CTBP2: variants seen among roughly 807,000 people sequenced by gnomAD.
The protein encoded by CTBP2 is C-terminal binding protein 2.
CTBP2 carries 30 observed loss-of-function variants against 80.3 expected under a neutral mutation model. The observed-to-expected ratio is 0.37, with a 90% confidence interval of 0.28 to 0.51. The LOEUF (loss-of-function observed/expected upper bound fraction) is 0.51, where lower values mean the gene tolerates loss of function less well. Among genes scored for constraint, CTBP2 ranks in the 20% least tolerant of loss-of-function variants. The pLI is 0.93. For missense variants in CTBP2, 1,212 were observed against 1,375.3 expected (o/e 0.88, Z 1.88); for synonymous variants, 594 against 587.4 (o/e 1.01, Z -0.16).
At chr10:125,102,430 A>G (rs1389198534) in intron 2 of CTBP2, among the ~76,000 whole-genome samples, 1 of 152,236 alleles carries the variant, frequency 6.6e-6, no homozygotes, top group African/African-American at 2.4e-5. Flanking sequence ...ACTCTGCATC[A>G]ATCTGCTCTG....
At chr10:125,103,031 G>A (rs901223020) in intron 2 of CTBP2, among the ~76,000 whole-genome samples, 7 of 152,226 alleles carry the variant, frequency 4.6e-5, no homozygotes, top group Non-Finnish European at 2.9e-5. Flanking sequence ...CGCCCTACTT[G>A]CACAAAGGAG....
intron 4 of CTBP2, 70 bp from the exon 7 acceptor site, chr10:124,994,753 T>TCA: frequency 6.7e-7 from 1 of 1,495,186 alleles, no homozygotes; most frequent in Admixed American, 1.7e-5. Flanking sequence ...CCTCCATTGC[T>TCA]TCTGAGCTGA....
chr10:125,148,245 G>C (rs1859162702), intron 1 of CTBP2, among the ~76,000 whole-genome samples: 1 of 152,178 alleles, frequency 6.6e-6, no homozygotes, highest in Non-Finnish European at 1.5e-5. Context: ...ACAGCAGTTA[G>C]CTCAGTGCTT....
intron 3 of CTBP2, among the ~76,000 whole-genome samples, chr10:125,036,645 G>A (rs1461004034): frequency 6.6e-6 from 1 of 150,378 alleles, no homozygotes; most frequent in Non-Finnish European, 1.5e-5. Flanking sequence ...ATAGAAACAT[G>A]GTGAGAATTC....
chr10:124,992,853 A>C, intron 7 of CTBP2, 41 bp from the exon 10 acceptor site: 1 of 1,473,674 alleles, frequency 6.8e-7, no homozygotes, highest in Non-Finnish European at 9.4e-7. Flanking sequence ...TATTTTTACA[A>C]ATCACAGTAA....
chr10:125,005,001 G>A (rs1410999050), intron 1 of CTBP2, among the ~76,000 whole-genome samples: 1 of 152,170 alleles, frequency 6.6e-6, no homozygotes, highest in African/African-American at 2.4e-5. Context: ...GCCACGGGGG[G>A]GCTCCTGCTG....
At chr10:125,011,267 C>G (rs1313881447) in intron 1 of CTBP2, among the ~76,000 whole-genome samples, 2 of 152,178 alleles carry the variant, frequency 1.3e-5, no homozygotes, top group African/African-American at 4.8e-5. Context: ...GAAGAAATGG[C>G]CACAGGAACA....
chr10:125,067,765 G>A (rs371243541), intron 2 of CTBP2, among the ~76,000 whole-genome samples: 3 of 152,290 alleles, frequency 2.0e-5, no homozygotes, highest in South Asian at 4.1e-4. Flanking sequence ...TTAGTTCAAG[G>A]AAGGCCCTGA....
chr10:125,097,430 T>C (rs535826127), intron 2 of CTBP2, among the ~76,000 whole-genome samples: 2 of 152,326 alleles, frequency 1.3e-5, no homozygotes, highest in East Asian at 3.9e-4. Context: ...ACAGTTACAA[T>C]GGATGACTAT....
chr10:125,116,200 T>A (rs1051746423), intron 1 of CTBP2, among the ~76,000 whole-genome samples: 6 of 151,986 alleles, frequency 3.9e-5, no homozygotes, highest in Non-Finnish European at 7.4e-5. Context: ...ACCGAATGAC[T>A]GTGCCACAAG....
chr10:125,020,750 T>C (rs1423834340), intron 1 of CTBP2, among the ~76,000 whole-genome samples: 1 of 152,084 alleles, frequency 6.6e-6, no homozygotes, highest in East Asian at 1.9e-4. Flanking sequence ...GGCCTGAGAC[T>C]CACGACCCCA....
chr10:125,092,238 G>A (rs1232582825), intron 2 of CTBP2, among the ~76,000 whole-genome samples: 1 of 135,158 alleles, frequency 7.4e-6, no homozygotes, highest in Non-Finnish European at 1.5e-5. Flanking sequence ...CTGGAGTACA[G>A]TGGCATGATC....
At chr10:125,156,477 T>C (rs956225002) in intron 1 of CTBP2, among the ~76,000 whole-genome samples, 2 of 152,218 alleles carry the variant, frequency 1.3e-5, no homozygotes, top group African/African-American at 2.4e-5. Flanking sequence ...ATGATGTTAG[T>C]GAACTGTTGG....
chr10:125,091,636 C>T (rs1152666), intron 2 of CTBP2, among the ~76,000 whole-genome samples: 2 of 152,074 alleles, frequency 1.3e-5, no homozygotes, highest in Admixed American at 6.6e-5. Flanking sequence ...AGCTGGGCAT[C>T]GTGATGCATG....
intron 2 of CTBP2, among the ~76,000 whole-genome samples, chr10:125,094,228 A>G (rs940966404): frequency 6.6e-6 from 1 of 152,206 alleles, no homozygotes; most frequent in African/African-American, 2.4e-5. Flanking sequence ...TCAGACAGCC[A>G]AGTGTCAATG....
chr10:125,147,698 G>A (rs1859038382), intron 1 of CTBP2, among the ~76,000 whole-genome samples: 1 of 152,088 alleles, frequency 6.6e-6, no homozygotes, highest in Non-Finnish European at 1.5e-5. Flanking sequence ...AGGAGTTCAT[G>A]AGCAGTCCGG....
intron 2 of CTBP2, among the ~76,000 whole-genome samples, chr10:125,096,641 AAC>A (rs1295684606): frequency 2.0e-5 from 3 of 152,318 alleles, no homozygotes; most frequent in Admixed American, 6.5e-5. Context: ...ACACAGCTCT[AAC>A]ACATTCTGTC....
chr10:125,026,340 G>A lies in CTBP2; in HGVS notation c.1420C>T (p.Pro474Ser). 2 of 1,613,888 alleles carry A rather than the reference G, an allele frequency of 1.2e-6. No homozygotes were observed. The highest frequency in any genetic ancestry group is 1.7e-6 in the Non-Finnish European group (2 of 1,179,966). ...GTGGAGTAGGCTGTTCTGGGGCCTGGGTGAAGGGGGTTTGAGGGGCCCGGG... is the reference window on the plus strand; with the variant it reads ...GTGGAGTAGGCTGTTCTGGGGCCTGAGTGAAGGGGGTTTGAGGGGCCCGGG... The change falls in exon 1 of 9, where the codon CCA becomes TCA. Residue 474 changes from proline (P) to serine (S), a missense_variant. Coordinates refer to ENST00000309035, the MANE Select transcript of CTBP2 (RefSeq NM_022802.3).
chr10:125,075,949 C>T (rs555177965), intron 2 of CTBP2, among the ~76,000 whole-genome samples: 10 of 152,192 alleles, frequency 6.6e-5, no homozygotes, highest in African/African-American at 9.7e-5. Flanking sequence ...AACAGACATG[C>T]GTGTAGCACA....
Sources: gnomAD v4.1 joint callset for allele counts (sites outside exome capture counted in the v4.1 genomes callset) on GRCh38, gnomAD v4.1.1 for gene constraint, MANE v1.5 for transcripts, NCBI Gene and HGNC (gene_info 2026-07-23, HGNC 2026-07-21) for gene names.